The following CNTNAP2 variants were observed in gnomAD, a reference collection of about 807,000 sequenced individuals.
The protein encoded by CNTNAP2 is contactin-associated protein-like 2.
A neutral mutation model predicts 155.2 loss-of-function variants in CNTNAP2; 98 were observed. The ratio of observed to expected loss-of-function variants is 0.63; its 90% CI spans 0.54 to 0.75. The LOEUF (loss-of-function observed/expected upper bound fraction) is 0.75, where lower values mean the gene tolerates loss of function less well. Among genes scored for constraint, CNTNAP2 ranks in the 30% least tolerant of loss-of-function variants. The pLI is 0.00. For synonymous variants in CNTNAP2, 651 were observed against 631.2 expected, an observed-to-expected ratio of 1.03 and a Z score of -0.47; for missense variants, 1,727 against 1,688.1, an observed-to-expected ratio of 1.02 and a Z score of -0.40.
chr7:148,070,922 T>C (rs1481833038), intron 15 of CNTNAP2, among the ~76,000 whole-genome samples: 1 of 152,188 alleles, frequency 6.6e-6, no homozygotes, highest in African/African-American at 2.4e-5. Context: ...AACCCCCTCA[T>C]ACCTCCAATG....
At chr7:147,526,053 G>A (rs1274069361) in intron 11 of CNTNAP2, among the ~76,000 whole-genome samples, 1 of 151,834 alleles carries the variant, frequency 6.6e-6, no homozygotes, top group African/African-American at 2.4e-5. Flanking sequence ...TTAGCCAGGT[G>A]TGGTGGTGTG....
intron 15 of CNTNAP2, among the ~76,000 whole-genome samples, chr7:148,063,190 C>T (rs1803188938): frequency 6.6e-6 from 1 of 152,000 alleles, no homozygotes; most frequent in African/African-American, 2.4e-5. Context: ...TTCTGGATTG[C>T]ATTATTTCCT....
In CNTNAP2 at chr7:147,347,457, CATATATATATAT is replaced by C. The variant is rs60963934; in HGVS notation, c.1498+47174_1498+47185del. The stretch of plus-strand genomic sequence containing the variant: ...ATATATATGCATATATATATATATG[CATATATATATAT>C]ATATATGCATATATATATATATGCA... On this transcript the variant is annotated intron_variant, in intron 9 of 23. Coordinates refer to ENST00000361727, the MANE Select transcript of CNTNAP2 (RefSeq NM_014141.6). Among the ~76,000 whole-genome samples the C allele has an allele frequency of 1.2e-4, 6 of 50,004 alleles. 1 individual carries two copies. Among genetic ancestry groups the C allele is most frequent in the African/African-American group, 3.3e-4 (6 of 18,194 alleles). The allele number at this position is 50,004 out of a possible 152,430, so 32.8% of individuals were successfully genotyped here.
intron 20 of CNTNAP2, among the ~76,000 whole-genome samples, chr7:148,239,711 T>C (rs1534702): frequency 0.72 from 109,054 of 152,112 alleles, 40,268 homozygotes; most frequent in East Asian, 0.95. Context: ...TACCAGAGCC[T>C]CAGATTCCTC....
intron 1 of CNTNAP2, among the ~76,000 whole-genome samples, chr7:146,179,352 A>G (rs1361055695): frequency 6.6e-6 from 1 of 151,988 alleles, no homozygotes; most frequent in Non-Finnish European, 1.5e-5. Context: ...TGACCCTAAA[A>G]TAATTGTGGA....
At chr7:146,751,786 C>A (rs752745310) in intron 1 of CNTNAP2, among the ~76,000 whole-genome samples, 1 of 152,000 alleles carries the variant, frequency 6.6e-6, no homozygotes. Context: ...TGCCCCCAAC[C>A]CCCGACAGGC....
intron 14 of CNTNAP2, among the ~76,000 whole-genome samples, chr7:147,949,150 G>A (rs1422551900): frequency 5.9e-5 from 9 of 151,444 alleles, no homozygotes; most frequent in Non-Finnish European, 1.2e-4. Context: ...GCAGTGAGCC[G>A]AGAAGAACCA....
In CNTNAP2 at chr7:147,395,751, C is replaced by A. The variant is rs1584922920; in HGVS notation, c.1641C>A (p.Val547=). The change falls in exon 10 of 24, where the codon GTC becomes GTA. Residue 547 remains valine (V), a synonymous_variant. Coordinates refer to ENST00000361727, the MANE Select transcript of CNTNAP2 (RefSeq NM_014141.6). ...AQRKPGSFAN[V]SIDMCAIIDR... The stretch of plus-strand genomic sequence containing the variant: ...GGAAGCCGGGAAGTTTCGCGAATGT[C>A]AGCATTGACATGTGTGCGATCATAG... 6.2e-7 allele frequency: 1 copy of A among 1,612,356 alleles called. No homozygotes were observed. Among genetic ancestry groups the A allele is most frequent in the South Asian group, 1.1e-5 (1 of 91,032 alleles).
chr7:146,571,043 A>C (rs139326328), intron 1 of CNTNAP2, among the ~76,000 whole-genome samples: 1 of 152,252 alleles, frequency 6.6e-6, no homozygotes, highest in African/African-American at 2.4e-5. Flanking sequence ...AGATAGATAC[A>C]TTTCTGTGTT....
chr7:146,775,305 T>G (rs1802371110), intron 2 of CNTNAP2, among the ~76,000 whole-genome samples: 1 of 152,166 alleles, frequency 6.6e-6, no homozygotes, highest in Admixed American at 6.5e-5. Context: ...AGTAACAGCT[T>G]TTAAGTGGCC....
At chr7:148,234,500 G>T (rs775368653) in intron 20 of CNTNAP2, among the ~76,000 whole-genome samples, 1 of 152,204 alleles carries the variant, frequency 6.6e-6, no homozygotes, top group Admixed American at 6.5e-5. Context: ...ACAATTAAGA[G>T]TCTGTTGTCC....
intron 14 of CNTNAP2, among the ~76,000 whole-genome samples, chr7:147,908,971 T>C (rs1051365451): frequency 9.9e-5 from 15 of 152,226 alleles, no homozygotes; most frequent in African/African-American, 3.6e-4. Flanking sequence ...TCCCAAGTCA[T>C]GTAAGGATCT....
chr7:146,766,811 G>A (rs1802203116), intron 1 of CNTNAP2, among the ~76,000 whole-genome samples: 1 of 152,114 alleles, frequency 6.6e-6, no homozygotes, highest in African/African-American at 2.4e-5. Context: ...CAAATTGGAA[G>A]GATTGAGATG....
At chr7:146,207,567 A>G (rs757837240) in intron 1 of CNTNAP2, among the ~76,000 whole-genome samples, 2 of 151,336 alleles carry the variant, frequency 1.3e-5, no homozygotes, top group Non-Finnish European at 2.9e-5. Flanking sequence ...TTTATCAATC[A>G]TAACAATGTG....
At chr7:146,269,803 G>T (rs767006566) in intron 1 of CNTNAP2, among the ~76,000 whole-genome samples, 3 of 152,222 alleles carry the variant, frequency 2.0e-5, no homozygotes, top group Non-Finnish European at 4.4e-5. Flanking sequence ...GTTGCTTCAT[G>T]TGTGGCATGG....
chr7:148,168,416 C>A (rs1013681766), intron 17 of CNTNAP2, among the ~76,000 whole-genome samples: 1 of 152,048 alleles, frequency 6.6e-6, no homozygotes, highest in Admixed American at 6.5e-5. Flanking sequence ...TTTCTAGGGA[C>A]ATGGATGAAG....
At chr7:148,134,929 CT>C (rs952807609) in intron 16 of CNTNAP2, among the ~76,000 whole-genome samples, 148 of 151,206 alleles carry the variant, frequency 9.8e-4, no homozygotes, top group African/African-American at 3.2e-3. Flanking sequence ...TTTATATATA[CT>C]TTTTTTTTAC....
intron 9 of CNTNAP2, among the ~76,000 whole-genome samples, chr7:147,300,717 T>G (rs931855885): frequency 2.6e-5 from 4 of 152,186 alleles, no homozygotes; most frequent in Non-Finnish European, 4.4e-5. Context: ...TTCATGAGGT[T>G]GACGTCAAAC....
intron 13 of CNTNAP2, among the ~76,000 whole-genome samples, chr7:147,885,218 A>G (rs1289964449): frequency 6.6e-6 from 1 of 152,220 alleles, no homozygotes; most frequent in Admixed American, 6.5e-5. Context: ...GTAGAAAAGA[A>G]GAGGCCAGGT....
Sources: allele counts gnomAD v4.1 joint callset (sites outside exome capture counted in the v4.1 genomes callset), GRCh38; gene constraint gnomAD v4.1.1; transcripts MANE v1.5; gene names NCBI Gene and HGNC (gene_info 2026-07-23, HGNC 2026-07-21).